The following NUDCD3 variants were observed in gnomAD, a reference collection of about 807,000 sequenced individuals.
NUDCD3 encodes nudC domain-containing protein 3.
In NUDCD3, 13 loss-of-function variants were observed where a neutral mutation model predicts 39.7. The ratio of observed to expected loss-of-function variants is 0.33; its 90% CI spans 0.21 to 0.52. NUDCD3 has a LOEUF of 0.52. NUDCD3 is among the 20% of genes least tolerant of loss of function. The pLI, the probability that NUDCD3 is intolerant of heterozygous loss-of-function variation, is 0.96. For synonymous variants in NUDCD3, 175 were observed against 172.4 expected, an observed-to-expected ratio of 1.02 and a Z score of -0.12; for missense variants, 453 against 458.1, an observed-to-expected ratio of 0.99 and a Z score of 0.10.
intron 2 of NUDCD3, chr7:44,481,333 G>A (rs957877923): frequency 3.3e-5 from 5 of 152,190 alleles, no homozygotes; most frequent in African/African-American, 1.2e-4. Flanking sequence ...AATCCACATA[G>A]CAGGCCAATG....
intron 2 of NUDCD3, among the ~76,000 whole-genome samples, chr7:44,463,210 G>C (rs1460111890): frequency 6.6e-6 from 1 of 151,996 alleles, no homozygotes; most frequent in Non-Finnish European, 1.5e-5. Flanking sequence ...ATGTGGTTAG[G>C]GTATAACAAT....
chr7:44,392,509 C>T, intron 4 of NUDCD3, 24 bp from the exon 5 acceptor site: 1 of 1,608,806 alleles, frequency 6.2e-7, no homozygotes, highest in South Asian at 1.1e-5. Flanking sequence ...GGACAGAGAC[C>T]TGAGTCAGAG....
intron 2 of NUDCD3, among the ~76,000 whole-genome samples, chr7:44,448,521 G>A (rs1224742141): frequency 6.6e-6 from 1 of 152,208 alleles, no homozygotes; most frequent in Admixed American, 6.5e-5. Context: ...ACTGACAGAA[G>A]CTTCTTCAGC....
At chr7:44,487,846 C>G (rs1199213752) in intron 1 of NUDCD3, among the ~76,000 whole-genome samples, 1 of 151,774 alleles carries the variant, frequency 6.6e-6, no homozygotes, top group Non-Finnish European at 1.5e-5. Context: ...CCCAGCTACT[C>G]GGGAGGCTGA....
At chr7:44,431,881 G>A (rs1228087169) in intron 2 of NUDCD3, among the ~76,000 whole-genome samples, 2 of 151,884 alleles carry the variant, frequency 1.3e-5, no homozygotes, top group Admixed American at 6.5e-5. Flanking sequence ...CATGTTGGCC[G>A]GGCTGGTCTC....
intron 2 of NUDCD3, among the ~76,000 whole-genome samples, chr7:44,458,979 T>TGG (rs1364652134): frequency 1.5e-5 from 2 of 129,466 alleles, no homozygotes; most frequent in South Asian, 2.4e-4. Context: ...TGTGTGTGTG[T>TGG]GGTGATGTGT....
intron 3 of NUDCD3, among the ~76,000 whole-genome samples, chr7:44,412,726 G>A (rs1000260124): frequency 6.6e-6 from 1 of 151,840 alleles, no homozygotes; most frequent in African/African-American, 2.4e-5. Flanking sequence ...AGGAGATCGA[G>A]GCCATCCTGG....
chr7:44,409,985 C>G (rs1369307177), intron 3 of NUDCD3, among the ~76,000 whole-genome samples: 1 of 151,802 alleles, frequency 6.6e-6, no homozygotes, highest in Non-Finnish European at 1.5e-5. Flanking sequence ...TTGAGATTAC[C>G]CAAACTGCGA....
intron 3 of NUDCD3, among the ~76,000 whole-genome samples, chr7:44,424,624 A>G (rs1171738730): frequency 6.6e-6 from 1 of 152,248 alleles, no homozygotes; most frequent in African/African-American, 2.4e-5. Context: ...CGATCATTAA[A>G]AAGTCAGGAA....
chr7:44,431,864 G>A (rs959355385), intron 2 of NUDCD3, among the ~76,000 whole-genome samples: 4 of 151,952 alleles, frequency 2.6e-5, no homozygotes, highest in African/African-American at 9.7e-5. Context: ...TAGAGATAGG[G>A]TTTCACCATG....
At chr7:44,488,491 A>G (rs1800664742) in intron 1 of NUDCD3, among the ~76,000 whole-genome samples, 1 of 152,064 alleles carries the variant, frequency 6.6e-6, no homozygotes, top group African/African-American at 2.4e-5. Context: ...CACCAAGATT[A>G]TTCCCCAAGG....
At chr7:44,459,218 G>A (rs1375920937) in intron 2 of NUDCD3, among the ~76,000 whole-genome samples, 1 of 114,684 alleles carries the variant, frequency 8.7e-6, no homozygotes, top group African/African-American at 3.3e-5. Flanking sequence ...TTTTTTTTTT[G>A]AGACAGGGCC....
chr7:44,402,935 C>A, intron 4 of NUDCD3: 2 of 238,220 alleles, frequency 8.4e-6, no homozygotes, highest in Middle Eastern at 1.6e-3. Flanking sequence ...AGGGAGAGGC[C>A]GTAATGGCAT....
chr7:44,458,980 G>GT (rs1563183462), intron 2 of NUDCD3, among the ~76,000 whole-genome samples: 11 of 127,558 alleles, frequency 8.6e-5, no homozygotes, highest in South Asian at 2.6e-4. Context: ...GTGTGTGTGT[G>GT]GTGATGTGTA....
rs192839773 is a variant in NUDCD3 at position 44,391,728 on chromosome 7, A to C, written c.975+569T>G. On this transcript the variant is annotated intron_variant, in intron 5 of 5. Transcript: ENST00000355451. ...AATAGCTACTCTTGGAGTTATTAAA[A>C]TAGGAAGAAAGAATGTATACATCTA... Among the ~76,000 whole-genome samples the C allele has an allele frequency of 6.6e-5, 10 of 152,324 alleles. No individual in the cohort carries two copies. In the East Asian group the frequency reaches 1.2e-3, roughly 18 times the overall value.
rs538428662 is a variant in NUDCD3 at position 44,409,036 on chromosome 7, G to T, written c.643-4453C>A. On this transcript the variant is annotated intron_variant, in intron 3 of 5. Transcript: ENST00000355451. Reference sequence around the variant, plus strand: ...GTGTTTTAACTTTGCAGCCTCCTGAGGTGGCAGATAACAACTGAGGCAAAC... The same window carrying T: ...GTGTTTTAACTTTGCAGCCTCCTGATGTGGCAGATAACAACTGAGGCAAAC... Among the ~76,000 whole-genome samples the T allele has an allele frequency of 1.6e-4, 24 of 152,320 alleles. No homozygotes were observed. The South Asian group carries it at 4.8e-3, about 30-fold the overall frequency.
At chr7:44,489,627 C>G (rs942798299) in intron 1 of NUDCD3, among the ~76,000 whole-genome samples, 1 of 152,226 alleles carries the variant, frequency 6.6e-6, no homozygotes, top group African/African-American at 2.4e-5. Flanking sequence ...AACTTCACTT[C>G]TCAACCATCA....
At chr7:44,390,886 G>A (rs1798502062) in intron 5 of NUDCD3, among the ~76,000 whole-genome samples, 1 of 152,170 alleles carries the variant, frequency 6.6e-6, no homozygotes, top group Non-Finnish European at 1.5e-5. Context: ...GAGCTCAGCT[G>A]AGCAGGTGCT....
At chr7:44,386,938 G>GAGT (rs1798412986) in intron 5 of NUDCD3, among the ~76,000 whole-genome samples, 1 of 152,158 alleles carries the variant, frequency 6.6e-6, no homozygotes, top group African/African-American at 2.4e-5. Flanking sequence ...TGGCCACCAT[G>GAGT]AGTACACTGA....
Sources: gnomAD v4.1 joint callset for allele counts (sites outside exome capture counted in the v4.1 genomes callset) on GRCh38, gnomAD v4.1.1 for gene constraint, MANE v1.5 for transcripts, NCBI Gene and HGNC (gene_info 2026-07-23, HGNC 2026-07-21) for gene names.